NDE1: variants seen among roughly 807,000 people sequenced by gnomAD.
The protein encoded by NDE1 is nudE neurodevelopment protein 1.
A neutral mutation model predicts 43.4 loss-of-function variants in NDE1; 28 were observed. That is an observed-to-expected ratio of 0.65 (90% CI 0.48 to 0.89). NDE1 has a LOEUF of 0.89. Among genes scored for constraint, NDE1 ranks in the 40% least tolerant of loss-of-function variants. NDE1 has a pLI of 0.00. For missense variants in NDE1, 441 were observed against 434.1 expected (o/e 1.02, Z -0.14); for synonymous variants, 184 against 172.0 (o/e 1.07, Z -0.55).
At chr16:15,645,366 C>T (rs114213203), upstream of NDE1, among the ~76,000 whole-genome samples, 148 of 152,254 alleles carry the variant, frequency 9.7e-4, 1 homozygote, top group Middle Eastern at 6.8e-3. Flanking sequence ...CATGGTGACT[C>T]ATGTCGTAAT....
At chr16:15,719,534 T>G (rs377312004) in intron 8 of NDE1, 2 of 1,611,720 alleles carry the variant, frequency 1.2e-6, no homozygotes, top group Non-Finnish European at 1.7e-6. Context: ...TGCCAAGGGG[T>G]GCTACCGTGA....
At chr16:15,670,460 C>A (rs1261851099) in intron 3 of NDE1, among the ~76,000 whole-genome samples, 1 of 152,040 alleles carries the variant, frequency 6.6e-6, no homozygotes, top group Non-Finnish European at 1.5e-5. Flanking sequence ...GAGTTTGAGA[C>A]CAGCCTCACC....
chr16:15,721,715 G>A, intron 8 of NDE1: 1 of 1,446,032 alleles, frequency 6.9e-7, no homozygotes, highest in Non-Finnish European at 9.7e-7. Flanking sequence ...GGGAAGCCCT[G>A]TGTCCTGCTG....
At position 15,683,780 on chromosome 16, in the gene NDE1, T is replaced by A. The variant is rs2038299483; in HGVS notation, c.387-3595T>A. On this transcript the variant is annotated intron_variant, in intron 4 of 8. Transcript: ENST00000396354. ...TGCCTGTAATCTGTCATCTTAGTACTTGGGGAGGCTGAGGCTTGAGTATTG... is the reference window on the plus strand; with the variant it reads ...TGCCTGTAATCTGTCATCTTAGTACATGGGGAGGCTGAGGCTTGAGTATTG... 2.6e-5 allele frequency among the ~76,000 whole-genome samples: 4 copies of A among 152,164 alleles called. No individual in the cohort carries two copies. In the South Asian group the frequency reaches 8.3e-4, roughly 32 times the overall value.
intron 8 of NDE1, among the ~76,000 whole-genome samples, chr16:15,710,558 A>C (rs1431220575): frequency 6.6e-6 from 1 of 152,076 alleles, no homozygotes; most frequent in Non-Finnish European, 1.5e-5. Flanking sequence ...ACTGGGCCTG[A>C]GAAAGGGAAG....
chr16:15,722,214 G>T (rs1309811757), intron 8 of NDE1, among the ~76,000 whole-genome samples: 1 of 152,116 alleles, frequency 6.6e-6, no homozygotes, highest in Non-Finnish European at 1.5e-5. Flanking sequence ...AGCACACTGA[G>T]GTCAAAGTGA....
intron 5 of NDE1, among the ~76,000 whole-genome samples, chr16:15,690,597 A>C (rs2038703180): frequency 6.6e-6 from 1 of 151,954 alleles, no homozygotes; most frequent in African/African-American, 2.4e-5. Context: ...TTAGTGTGTC[A>C]CTGTCATAGC....
At chr16:15,691,404 T>C (rs2038747852) in intron 6 of NDE1, 81 bp downstream of exon 6, 2 of 1,480,868 alleles carry the variant, frequency 1.4e-6, no homozygotes, top group East Asian at 2.4e-5. Context: ...CCTGGGGGTG[T>C]GATGATTTGC....
chr16:15,677,288 A>G (rs144345248), intron 3 of NDE1, among the ~76,000 whole-genome samples: 97 of 152,118 alleles, frequency 6.4e-4, no homozygotes, highest in African/African-American at 2.0e-3. Flanking sequence ...TAGTTTCATA[A>G]AGAGAGAGGG....
intron 8 of NDE1, chr16:15,703,604 G>T (rs1471023005): frequency 2.6e-6 from 1 of 384,718 alleles, no homozygotes; most frequent in African/African-American, 2.0e-5. Flanking sequence ...TGGTGGTGGT[G>T]GTGGTTGAGA....
intron 1 of NDE1, among the ~76,000 whole-genome samples, chr16:15,651,247 AG>A (rs2036485598): frequency 6.6e-6 from 1 of 152,130 alleles, no homozygotes. Flanking sequence ...TCTAAAGAAA[AG>A]GCCTTTGCAG....
At chr16:15,678,917 A>C (rs1343823338) in intron 4 of NDE1, among the ~76,000 whole-genome samples, 11 of 152,012 alleles carry the variant, frequency 7.2e-5, no homozygotes, top group Admixed American at 7.2e-4. Context: ...TCTACTAAAA[A>C]TACAAAAAAT....
intron 8 of NDE1, chr16:15,718,180 C>A: frequency 7.0e-7 from 1 of 1,422,522 alleles, no homozygotes; most frequent in Non-Finnish European, 9.7e-7. Context: ...TCTCTACTCT[C>A]AGGCCCCACC....
chr16:15,677,298 G>T (rs1018268075), intron 3 of NDE1, among the ~76,000 whole-genome samples: 1 of 151,858 alleles, frequency 6.6e-6, no homozygotes, highest in African/African-American at 2.4e-5. Context: ...AAGAGAGAGG[G>T]TCAGGCCAGG....
At chr16:15,681,170 A>G (rs549369714) in intron 4 of NDE1, among the ~76,000 whole-genome samples, 1 of 131,254 alleles carries the variant, frequency 7.6e-6, no homozygotes, top group Non-Finnish European at 1.6e-5. Context: ...TTATTTTTGT[A>G]TCTAGTATAA....
intron 5 of NDE1, among the ~76,000 whole-genome samples, chr16:15,690,720 GTT>G (rs1454850607): frequency 1.3e-5 from 2 of 152,028 alleles, no homozygotes; most frequent in East Asian, 1.9e-4. Context: ...TACCTGGAGT[GTT>G]TCACCCCAGT....
intron 7 of NDE1, chr16:15,694,772 A>G (rs150774013): frequency 1.0e-6 from 1 of 985,256 alleles, no homozygotes; most frequent in African/African-American, 1.7e-5. Flanking sequence ...CCTGCTCTGA[A>G]CCCTATGTAT....
intron 6 of NDE1, among the ~76,000 whole-genome samples, chr16:15,692,482 T>C (rs955431790): frequency 2.0e-5 from 3 of 152,006 alleles, no homozygotes; most frequent in African/African-American, 7.3e-5. Flanking sequence ...CGATATTGGC[T>C]CGCTGTAACC....
At chr16:15,714,626 T>TG (rs761731906) in intron 8 of NDE1, 1 of 554,674 alleles carries the variant, frequency 1.8e-6, no homozygotes, top group Admixed American at 3.1e-5. Context: ...GAGGAGACAG[T>TG]GGGGATAGCC....
Sources: allele counts gnomAD v4.1 joint callset (sites outside exome capture counted in the v4.1 genomes callset), GRCh38; gene constraint gnomAD v4.1.1; transcripts MANE v1.5; gene names NCBI Gene and HGNC (gene_info 2026-07-23, HGNC 2026-07-21).